Variants in RABGAP1 observed in about 807,000 individuals in gnomAD.
RABGAP1 encodes the protein RAB GTPase activating protein 1.
RABGAP1 carries 23 observed loss-of-function variants against 137.6 expected under a neutral mutation model. The observed-to-expected ratio is 0.17, with a 90% CI of 0.12 to 0.24. The LOEUF is 0.24. Among genes scored for constraint, RABGAP1 ranks in the 10% least tolerant of loss-of-function variants. The pLI, the probability that RABGAP1 is intolerant of heterozygous loss-of-function variation, is 1.00. For synonymous variants in RABGAP1, 451 were observed against 450.7 expected, an observed-to-expected ratio of 1.00 and a Z score of -0.01; for missense variants, 906 against 1,275.8, an observed-to-expected ratio of 0.71 and a Z score of 4.42.
intron 13 of RABGAP1, among the ~76,000 whole-genome samples, chr9:123,021,203 A>T (rs10116866): frequency 6.6e-6 from 1 of 151,886 alleles, no homozygotes; most frequent in Admixed American, 6.6e-5. Context: ...AGATTTTTCA[A>T]TGTGACAGAA....
chr9:122,969,573 TGCGCA>T (rs1170314903), intron 2 of RABGAP1, among the ~76,000 whole-genome samples: 1 of 152,146 alleles, frequency 6.6e-6, no homozygotes, highest in Admixed American at 6.5e-5. Context: ...GGAGATATCT[TGCGCA>T]GTGGTCCTCT....
intron 21 of RABGAP1, among the ~76,000 whole-genome samples, chr9:123,095,118 AT>A (rs1196040694): frequency 4.0e-5 from 6 of 151,160 alleles, no homozygotes; most frequent in Admixed American, 1.3e-4. Context: ...TCCCAGCTAC[AT>A]AGGAGGCTTA....
chr9:123,060,449 A>T (rs2033924559), intron 13 of RABGAP1, among the ~76,000 whole-genome samples: 3 of 152,072 alleles, frequency 2.0e-5, no homozygotes, highest in Admixed American at 2.0e-4. Context: ...ATAATTTATC[A>T]CTTTTTCTGT....
At chr9:122,971,334 A>T (rs948463267) in intron 2 of RABGAP1, among the ~76,000 whole-genome samples, 1 of 152,208 alleles carries the variant, frequency 6.6e-6, no homozygotes, top group African/African-American at 2.4e-5. Context: ...CAGGCACCTT[A>T]CAGAAGCAAT....
intron 10 of RABGAP1, among the ~76,000 whole-genome samples, chr9:123,001,369 C>T (rs892945607): frequency 6.6e-6 from 1 of 152,148 alleles, no homozygotes; most frequent in Non-Finnish European, 1.5e-5. Flanking sequence ...TTTTCTGTTA[C>T]ATAAAATGAA....
At position 123,002,299 on chromosome 9, in the gene RABGAP1, CA is replaced by C. The variant is rs200227677; in HGVS notation, c.1374+3546del. 3.4e-3 allele frequency among the ~76,000 whole-genome samples: 424 copies of C among 124,654 alleles called. 2 individuals are homozygous for C. The East Asian group carries it at 0.038, about 11-fold the overall frequency. The allele number at this position is 124,654 out of a possible 152,430, so 81.8% of individuals were successfully genotyped here. On this transcript the variant is annotated intron_variant, in intron 10 of 25. Transcript: ENST00000373647. ...CTGGGCAACAAGAGCAAAACTCCGTCAAAAAAAAAAAAAGTTTCTAGATGGT... is the reference window on the plus strand; with the variant it reads ...CTGGGCAACAAGAGCAAAACTCCGTCAAAAAAAAAAAAGTTTCTAGATGGT...
At chr9:122,991,358 A>G (rs1159387968) in intron 6 of RABGAP1, among the ~76,000 whole-genome samples, 7 of 152,212 alleles carry the variant, frequency 4.6e-5, no homozygotes, top group African/African-American at 1.7e-4. Flanking sequence ...CTACCTCATT[A>G]AATTGGTAAA....
chr9:123,093,499 C>A (rs1229380012), intron 21 of RABGAP1, among the ~76,000 whole-genome samples: 2 of 152,204 alleles, frequency 1.3e-5, no homozygotes, highest in Non-Finnish European at 2.9e-5. Flanking sequence ...CTGGTGAGCC[C>A]AACTGCTGTC....
chr9:122,983,972 A>G lies in RABGAP1; in HGVS notation c.151-513A>G, dbSNP rs140214356. Among the ~76,000 whole-genome samples the G allele has an allele frequency of 2.6e-5, 4 of 152,356 alleles. No homozygotes were observed. The East Asian group carries it at 5.8e-4, about 22-fold the overall frequency. ...GTTTCAGAACTTTCAGAACCTGTTC[A>G]TATCATGTAACTCTTCCTCAGAAAT... On this transcript the variant is annotated intron_variant, in intron 2 of 25. Coordinates refer to ENST00000373647, the MANE Select transcript of RABGAP1 (RefSeq NM_012197.4).
chr9:123,014,524 A>G (rs2031068050), intron 11 of RABGAP1, among the ~76,000 whole-genome samples: 1 of 152,192 alleles, frequency 6.6e-6, no homozygotes, highest in African/African-American at 2.4e-5. Context: ...AGATTAGATC[A>G]TAATGAATAT....
rs1452088896 is a variant in RABGAP1, at chr9:123,103,527, TC to T, written c.*315del. On this transcript the variant is annotated 3_prime_UTR_variant, in exon 26 of 26. Transcript: ENST00000373647. ...CAGCCTAAAGGCTGAGTTTACATGATCAGAGTTAGGGGATCCTTCAGTCTGT... is the reference window on the plus strand; with the variant it reads ...CAGCCTAAAGGCTGAGTTTACATGATAGAGTTAGGGGATCCTTCAGTCTGT... 3 of 166,732 alleles carry T rather than the reference TC, an allele frequency of 1.8e-5. No homozygotes were observed. Among genetic ancestry groups the T allele is most frequent in the African/African-American group, 7.4e-5 (3 of 40,496 alleles). 10.3% of individuals were successfully genotyped at this position (166,732 alleles called of 1,614,324 possible).
chr9:123,052,027 G>A (rs1026455427), intron 13 of RABGAP1, among the ~76,000 whole-genome samples: 6 of 147,934 alleles, frequency 4.1e-5, no homozygotes, highest in South Asian at 2.1e-4. Flanking sequence ...GAATGGTCTC[G>A]ATCTCCTCAC....
intron 13 of RABGAP1, among the ~76,000 whole-genome samples, chr9:123,031,315 G>A (rs776707300): frequency 6.6e-6 from 1 of 152,114 alleles, no homozygotes; most frequent in Non-Finnish European, 1.5e-5. Context: ...ATTTATTAAG[G>A]TGCTCAGTAA....
At position 122,964,942 on chromosome 9, in the gene RABGAP1, G is replaced by A. The variant is rs559529751; in HGVS notation, c.150+7733G>A. Reference sequence around the variant, plus strand: ...GCCAGAGAGGTCAAGGCTGCAGTGCGTTGTGATCATAACCACTGCACCCCT... The same window carrying A: ...GCCAGAGAGGTCAAGGCTGCAGTGCATTGTGATCATAACCACTGCACCCCT... On this transcript the variant is annotated intron_variant, in intron 2 of 25. Transcript: ENST00000373647. Among the ~76,000 whole-genome samples, 8 of 152,272 alleles carry A rather than the reference G, an allele frequency of 5.3e-5. No individual in the cohort carries two copies. The East Asian group carries it at 9.6e-4, about 18-fold the overall frequency.
upstream of RABGAP1, chr9:122,940,881 C>G (rs1833501899): frequency 6.6e-6 from 1 of 152,440 alleles, no homozygotes; most frequent in South Asian, 2.1e-4. Context: ...GAAGAGGAAG[C>G]TCCGCCTCGC....
At chr9:123,015,023 ACAATT>A (rs1481460679) in intron 11 of RABGAP1, among the ~76,000 whole-genome samples, 1 of 152,216 alleles carries the variant, frequency 6.6e-6, no homozygotes, top group African/African-American at 2.4e-5. Context: ...TATGGGAACT[ACAATT>A]CAAGATGAGA....
intron 13 of RABGAP1, among the ~76,000 whole-genome samples, chr9:123,056,499 AATTG>A (rs1282233164): frequency 7.4e-5 from 10 of 135,438 alleles, no homozygotes; most frequent in South Asian, 2.4e-4. Context: ...TTTTTTTTTT[AATTG>A]ATCATTCTTG....
chr9:123,104,417 T>TA lies in RABGAP1; in HGVS notation c.*1218dup, dbSNP rs57696888. 0.97 allele frequency: 142,048 copies of TA among 146,674 alleles called. 68,827 individuals carry two copies. The highest frequency in any genetic ancestry group is 0.99 in the East Asian group (5,004 of 5,036). The allele number at this position is 146,674 out of a possible 1,614,324, so 9.1% of individuals were successfully genotyped here. Reference sequence around the variant, plus strand: ...GCTATGGAATGGATTTTAGCACCTTTAAAAAAAAAAAAAACTTTGACTTTT... The same window carrying TA: ...GCTATGGAATGGATTTTAGCACCTTTAAAAAAAAAAAAAAACTTTGACTTTT... On this transcript the variant is annotated 3_prime_UTR_variant, in exon 26 of 26. Transcript: ENST00000373647.
At chr9:123,093,962 T>G (rs189897280) in intron 21 of RABGAP1, among the ~76,000 whole-genome samples, 1 of 152,322 alleles carries the variant, frequency 6.6e-6, no homozygotes, top group East Asian at 1.9e-4. Context: ...TCAGTAGCAA[T>G]GTTTTTTAGT....
Sources: gnomAD v4.1 joint callset for allele counts (sites outside exome capture counted in the v4.1 genomes callset) on GRCh38, gnomAD v4.1.1 for gene constraint, MANE v1.5 for transcripts, NCBI Gene and HGNC (gene_info 2026-07-23, HGNC 2026-07-21) for gene names.